Variants in GAS2 observed in about 807,000 individuals in gnomAD.
GAS2 encodes the protein growth arrest specific 2.
GAS2 carries 20 observed loss-of-function variants against 37.5 expected under a neutral mutation model. That is an observed-to-expected ratio of 0.53 (90% CI 0.37 to 0.77). GAS2 has a LOEUF of 0.77. GAS2 is among the 30% of genes least tolerant of loss of function. GAS2 has a pLI of 0.00. For missense variants in GAS2, 336 were observed against 373.4 expected (o/e 0.90, Z 0.82); for synonymous variants, 144 against 132.2 (o/e 1.09, Z -0.61).
chr11:22,638,076 A>G (rs1858861548), intron 1 of GAS2, among the ~76,000 whole-genome samples: 1 of 151,968 alleles, frequency 6.6e-6, no homozygotes, highest in Non-Finnish European at 1.5e-5. Context: ...AACATTGGCT[A>G]TTGTTATTAA....
chr11:22,708,636 G>A (rs563694482), intron 3 of GAS2, among the ~76,000 whole-genome samples: 2 of 152,100 alleles, frequency 1.3e-5, no homozygotes, highest in African/African-American at 2.4e-5. Context: ...TATATGCCTC[G>A]GCTACAATCA....
intron 5 of GAS2, among the ~76,000 whole-genome samples, chr11:22,738,695 C>T (rs1478403349): frequency 1.3e-5 from 2 of 152,142 alleles, no homozygotes; most frequent in Non-Finnish European, 2.9e-5. Context: ...AACACACCAG[C>T]AATTTACAAC....
chr11:22,681,997 A>T (rs1016874467), intron 2 of GAS2, among the ~76,000 whole-genome samples: 1 of 152,052 alleles, frequency 6.6e-6, no homozygotes, highest in Non-Finnish European at 1.5e-5. Flanking sequence ...AAAATATGTT[A>T]CACATGAAGT....
chr11:22,748,857 T>C (rs1853561977), intron 5 of GAS2, among the ~76,000 whole-genome samples: 1 of 152,136 alleles, frequency 6.6e-6, no homozygotes, highest in Non-Finnish European at 1.5e-5. Context: ...CATTAATATA[T>C]TGCATTGAGT....
chr11:22,778,862 CAG>C (rs1450906936), intron 7 of GAS2, among the ~76,000 whole-genome samples: 1 of 152,098 alleles, frequency 6.6e-6, no homozygotes, highest in Non-Finnish European at 1.5e-5. Context: ...ATGTAGGAAA[CAG>C]AATTCTGAGA....
intron 3 of GAS2, among the ~76,000 whole-genome samples, chr11:22,696,247 C>A (rs1246363466): frequency 6.6e-6 from 1 of 151,538 alleles, no homozygotes; most frequent in Non-Finnish European, 1.5e-5. Flanking sequence ...CCAATTTCAT[C>A]CATGTCGCTA....
At chr11:22,750,159 T>C (rs775419300) in intron 6 of GAS2, among the ~76,000 whole-genome samples, 20 of 152,034 alleles carry the variant, frequency 1.3e-4, no homozygotes, top group Non-Finnish European at 2.8e-4. Flanking sequence ...ATGTCTCACA[T>C]ACATGGGGAG....
At chr11:22,719,023 T>A (rs337437) in intron 3 of GAS2, among the ~76,000 whole-genome samples, 141,788 of 152,136 alleles carry the variant, frequency 0.93, 66,868 homozygotes, top group East Asian at 1. Context: ...TGTAGACATT[T>A]TTTTAAAGCT....
At chr11:22,778,803 A>G (rs1280196347) in intron 7 of GAS2, among the ~76,000 whole-genome samples, 1 of 152,204 alleles carries the variant, frequency 6.6e-6, no homozygotes, top group Non-Finnish European at 1.5e-5. Flanking sequence ...AAGAATGTTG[A>G]AACTGTGTAT....
chr11:22,762,927 A>AT (rs1265879118), intron 7 of GAS2, among the ~76,000 whole-genome samples: 10 of 152,110 alleles, frequency 6.6e-5, no homozygotes, highest in Non-Finnish European at 1.3e-4. Context: ...AATTGTAGTT[A>AT]TTTTTTAAGT....
At chr11:22,758,488 T>G (rs1263125469) in intron 7 of GAS2, among the ~76,000 whole-genome samples, 2 of 152,198 alleles carry the variant, frequency 1.3e-5, no homozygotes, top group Admixed American at 1.3e-4. Context: ...AGCAGTGTAT[T>G]CATATGGTCA....
chr11:22,733,084 A>C (rs1852564418), intron 4 of GAS2, among the ~76,000 whole-genome samples: 1 of 151,546 alleles, frequency 6.6e-6, no homozygotes, highest in Non-Finnish European at 1.5e-5. Context: ...TCTCTGGGTC[A>C]CATTTTGGTG....
intron 3 of GAS2, among the ~76,000 whole-genome samples, chr11:22,721,662 A>G (rs1851955324): frequency 1.3e-5 from 2 of 152,098 alleles, no homozygotes; most frequent in East Asian, 1.9e-4. Context: ...TAAAAGTTCA[A>G]CTATTCAATA....
At chr11:22,788,488 C>T (rs555063308) in intron 7 of GAS2, among the ~76,000 whole-genome samples, 1 of 152,132 alleles carries the variant, frequency 6.6e-6, no homozygotes, top group Non-Finnish European at 1.5e-5. Context: ...ACTTGTATCC[C>T]TGCCCCTACT....
At chr11:22,676,202 G>A (rs898438842) in intron 2 of GAS2, among the ~76,000 whole-genome samples, 1 of 152,074 alleles carries the variant, frequency 6.6e-6, no homozygotes, top group African/African-American at 2.4e-5. Flanking sequence ...CAGTGCTATG[G>A]AAGTGTCTCC....
chr11:22,628,551 G>C (rs1858695009), intron 1 of GAS2, among the ~76,000 whole-genome samples: 1 of 152,016 alleles, frequency 6.6e-6, no homozygotes, highest in Admixed American at 6.6e-5. Flanking sequence ...TATTTATTTT[G>C]ATTTTTTTCT....
intron 1 of GAS2, among the ~76,000 whole-genome samples, chr11:22,652,584 G>C (rs890239638): frequency 6.6e-6 from 1 of 152,218 alleles, no homozygotes; most frequent in African/African-American, 2.4e-5. Flanking sequence ...CTCCGTGGGC[G>C]TAGGACCCTC....
At chr11:22,753,210 C>T (rs1853842974) in intron 6 of GAS2, among the ~76,000 whole-genome samples, 1 of 152,024 alleles carries the variant, frequency 6.6e-6, no homozygotes, top group African/African-American at 2.4e-5. Context: ...ACTGACTTTT[C>T]CCTAGGTAAT....
chr11:22,713,958 A>T (rs59289938), intron 3 of GAS2, among the ~76,000 whole-genome samples: 1,618 of 152,300 alleles, frequency 0.011, 24 homozygotes, highest in African/African-American at 0.037. Context: ...GAGAAACAAT[A>T]ACACAATGAG....
Sources: gnomAD v4.1 joint callset for allele counts (sites outside exome capture counted in the v4.1 genomes callset) on GRCh38, gnomAD v4.1.1 for gene constraint, MANE v1.5 for transcripts, NCBI Gene and HGNC (gene_info 2026-07-23, HGNC 2026-07-21) for gene names.